The following KCNMA1 variants were observed in gnomAD, a reference collection of about 807,000 sequenced individuals.
KCNMA1 encodes Calcium-activated potassium channel subunit alpha-1.
In KCNMA1, 29 loss-of-function variants were observed where a neutral mutation model predicts 140.0. The observed-to-expected ratio is 0.21, with a 90% CI of 0.15 to 0.28. The LOEUF is 0.28. KCNMA1 is among the 10% of genes least tolerant of loss of function. The pLI, the probability that KCNMA1 is intolerant of heterozygous loss-of-function variation, is 1.00. For synonymous variants in KCNMA1, 612 were observed against 611.9 expected, an observed-to-expected ratio of 1.00 and a Z score of 0.00; for missense variants, 880 against 1,602.2, an observed-to-expected ratio of 0.55 and a Z score of 7.70.
intron 1 of KCNMA1, among the ~76,000 whole-genome samples, chr10:77,510,256 A>C (rs1012578069): frequency 3.3e-4 from 50 of 151,736 alleles, no homozygotes; most frequent in African/African-American, 1.2e-3. Flanking sequence ...AGGGTCTTGC[A>C]CTCCACTTGC....
intron 29 of KCNMA1, among the ~76,000 whole-genome samples, chr10:76,879,815 G>T (rs542177872): frequency 2.0e-5 from 3 of 152,162 alleles, no homozygotes; most frequent in Non-Finnish European, 2.9e-5. Context: ...TGTGATCTAC[G>T]ATTAAACTAA....
chr10:77,478,707 A>G (rs913575887), intron 1 of KCNMA1, among the ~76,000 whole-genome samples: 76 of 152,240 alleles, frequency 5.0e-4, no homozygotes, highest in African/African-American at 1.7e-3. Flanking sequence ...CTAAAAGCAC[A>G]TTGTATTGCA....
At chr10:77,037,384 A>C (rs2094404820) in intron 15 of KCNMA1, among the ~76,000 whole-genome samples, 1 of 152,248 alleles carries the variant, frequency 6.6e-6, no homozygotes, top group Non-Finnish European at 1.5e-5. Flanking sequence ...TTTTCTAAAG[A>C]ATCCAGAAAT....
At chr10:77,615,004 C>T (rs557609003) in intron 1 of KCNMA1, among the ~76,000 whole-genome samples, 4 of 152,290 alleles carry the variant, frequency 2.6e-5, no homozygotes, top group African/African-American at 9.6e-5. Context: ...ACTTGGTGTA[C>T]AGAAAGATGT....
chr10:77,105,689 T>C (rs977194172), intron 9 of KCNMA1, among the ~76,000 whole-genome samples: 19 of 152,198 alleles, frequency 1.2e-4, no homozygotes, highest in Non-Finnish European at 2.4e-4. Flanking sequence ...CAGCACACTG[T>C]TTTAAGAGTC....
intron 3 of KCNMA1, among the ~76,000 whole-genome samples, chr10:77,218,445 G>T (rs1457434118): frequency 6.6e-6 from 1 of 152,162 alleles, no homozygotes; most frequent in Non-Finnish European, 1.5e-5. Context: ...CACTGGAGCT[G>T]GGTAGATGCT....
intron 2 of KCNMA1, among the ~76,000 whole-genome samples, chr10:77,290,826 G>C (rs745619566): frequency 5.3e-5 from 8 of 152,180 alleles, no homozygotes; most frequent in Non-Finnish European, 7.3e-5. Context: ...GTCATCGTAA[G>C]CTTGAATAAA....
intron 2 of KCNMA1, among the ~76,000 whole-genome samples, chr10:77,334,604 TG>T (rs1351458014): frequency 6.6e-6 from 1 of 152,166 alleles, no homozygotes; most frequent in Admixed American, 6.5e-5. Context: ...AATAGGTGTT[TG>T]GGGGCCAGAA....
intron 19 of KCNMA1, chr10:76,974,322 T>A (rs2076882631): frequency 3.8e-6 from 2 of 525,166 alleles, no homozygotes; most frequent in Non-Finnish European, 6.7e-6. Flanking sequence ...TAATCGTTTT[T>A]TACGGTTTTC....
intron 23 of KCNMA1, chr10:76,930,320 C>G (rs1371108775): frequency 6.6e-6 from 1 of 152,048 alleles, no homozygotes; most frequent in African/African-American, 2.4e-5. Flanking sequence ...GCAAAGGAAC[C>G]TAATAGACAT....
chr10:77,405,692 A>C (rs1026335671), intron 1 of KCNMA1, among the ~76,000 whole-genome samples: 1 of 152,258 alleles, frequency 6.6e-6, no homozygotes. Context: ...AGATGCCAGC[A>C]AATTATGTTC....
intron 14 of KCNMA1, among the ~76,000 whole-genome samples, chr10:77,072,550 G>T (rs1255332946): frequency 6.6e-6 from 1 of 152,040 alleles, no homozygotes; most frequent in Non-Finnish European, 1.5e-5. Context: ...TCGGTGCAAA[G>T]GGCACTGCTG....
intron 2 of KCNMA1, among the ~76,000 whole-genome samples, chr10:77,353,709 T>C (rs1325220460): frequency 3.9e-5 from 6 of 152,106 alleles, no homozygotes; most frequent in Non-Finnish European, 7.4e-5. Context: ...GATGAAACAA[T>C]TGAGGCCAAA....
At chr10:77,203,182 C>G (rs552250589) in intron 3 of KCNMA1, among the ~76,000 whole-genome samples, 1 of 152,282 alleles carries the variant, frequency 6.6e-6, no homozygotes, top group South Asian at 2.1e-4. Context: ...AAAGCATTCC[C>G]CAAAGAACTG....
intron 25 of KCNMA1, among the ~76,000 whole-genome samples, chr10:76,900,167 A>G (rs11001925): frequency 6.6e-6 from 1 of 152,172 alleles, no homozygotes; most frequent in East Asian, 1.9e-4. Context: ...TATAATGTAC[A>G]CTGTTTCATA....
At chr10:76,929,037 A>T (rs2058571011) in intron 23 of KCNMA1, among the ~76,000 whole-genome samples, 1 of 152,188 alleles carries the variant, frequency 6.6e-6, no homozygotes, top group African/African-American at 2.4e-5. Flanking sequence ...CATGGTATAT[A>T]CTTAATGCTC....
At chr10:77,601,811 A>C (rs2082743493) in intron 1 of KCNMA1, among the ~76,000 whole-genome samples, 1 of 152,210 alleles carries the variant, frequency 6.6e-6, no homozygotes, top group African/African-American at 2.4e-5. Context: ...TCAAGGACAC[A>C]GAGTAGCTAA....
At chr10:77,522,952 G>C (rs1328651576) in intron 1 of KCNMA1, among the ~76,000 whole-genome samples, 1 of 152,202 alleles carries the variant, frequency 6.6e-6, no homozygotes, top group South Asian at 2.1e-4. Context: ...ATAAATGTAA[G>C]TTTGGGTCCC....
intron 25 of KCNMA1, among the ~76,000 whole-genome samples, chr10:76,892,473 AAAAG>A (rs2040572334): frequency 6.6e-6 from 1 of 152,242 alleles, no homozygotes; most frequent in African/African-American, 2.4e-5. Flanking sequence ...AAGGAGCTTT[AAAAG>A]GTATTTGTCA....
Sources: allele counts gnomAD v4.1 joint callset (sites outside exome capture counted in the v4.1 genomes callset), GRCh38; gene constraint gnomAD v4.1.1; transcripts MANE v1.5; gene names NCBI Gene and HGNC (gene_info 2026-07-23, HGNC 2026-07-21).